The following XKR6 variants were observed in gnomAD, a reference collection of about 807,000 sequenced individuals.
The protein encoded by XKR6 is XK-related protein 6.
Under a neutral mutation model 56.7 loss-of-function variants are expected in XKR6, and 22 were observed. The observed-to-expected ratio is 0.39, with a 90% CI of 0.28 to 0.55. XKR6 has a LOEUF of 0.55. Among genes scored for constraint, XKR6 ranks in the 20% least tolerant of loss-of-function variants. XKR6 has a pLI of 0.66. For synonymous variants in XKR6, 524 were observed against 387.8 expected, an observed-to-expected ratio of 1.35 and a Z score of -4.13; for missense variants, 852 against 889.0, an observed-to-expected ratio of 0.96 and a Z score of 0.53.
intron 1 of XKR6, among the ~76,000 whole-genome samples, chr8:11,053,363 C>A (rs528796331): frequency 3.9e-5 from 6 of 152,352 alleles, no homozygotes; most frequent in African/African-American, 1.2e-4. Context: ...CGGCCTGACT[C>A]CCCTGCCACA....
Position 10,898,302 on chromosome 8 carries a change from C to A in XKR6, c.1576G>T (p.Val526Phe). The A allele has an allele frequency of 1.2e-6, 2 of 1,614,076 alleles. No homozygotes were observed. The highest frequency in any genetic ancestry group is 1.7e-6 in the Non-Finnish European group (2 of 1,179,968). The change falls in exon 3 of 3, where the codon GTT becomes TTT. Residue 526 changes from valine (V) to phenylalanine (F), a missense_variant. This residue lies in a region of XKR6 where 197 missense variants were observed against 190.9 expected (regional missense o/e 1.03). Transcript: ENST00000416569. The surrounding 1 kb of genome is among the most constrained non-coding windows in gnomAD (Gnocchi z 6.6). ...GGGATCTCAGGCGCCATGGGCTCAA[C>A]ATCGGGGGGCAAAGGGATGCCCCAG... ...LLWGIPLPPD[V>F]EPMAPEIPGY...
intron 1 of XKR6, among the ~76,000 whole-genome samples, chr8:11,060,363 C>T (rs1324929208): frequency 6.6e-6 from 1 of 152,192 alleles, no homozygotes; most frequent in South Asian, 2.1e-4. Flanking sequence ...CCGCATCCAG[C>T]CTGCACTGCA....
At chr8:11,169,889 G>C (rs767993337) in intron 1 of XKR6, among the ~76,000 whole-genome samples, 7 of 152,100 alleles carry the variant, frequency 4.6e-5, no homozygotes, top group Non-Finnish European at 1.0e-4. Flanking sequence ...GGTATATTTT[G>C]TGTTCGTATA....
intron 1 of XKR6, among the ~76,000 whole-genome samples, chr8:11,127,635 C>G (rs1799877330): frequency 6.6e-6 from 1 of 152,122 alleles, no homozygotes; most frequent in African/African-American, 2.4e-5. Flanking sequence ...TTCTGACCAC[C>G]CTACCTCTCT....
intron 1 of XKR6, among the ~76,000 whole-genome samples, chr8:11,160,691 C>T (rs1035383107): frequency 6.6e-6 from 1 of 151,948 alleles, no homozygotes; most frequent in Non-Finnish European, 1.5e-5. Context: ...GGGTGGATCC[C>T]GAGGTCAAGA....
chr8:10,933,470 C>T, intron 1 of XKR6, among the ~76,000 whole-genome samples: 1 of 128,240 alleles, frequency 7.8e-6, no homozygotes, highest in South Asian at 2.4e-4. Context: ...GAAGTCCTTG[C>T]CCACGCCTAT....
At chr8:11,126,257 C>T (rs536560685) in intron 1 of XKR6, among the ~76,000 whole-genome samples, 147 of 151,898 alleles carry the variant, frequency 9.7e-4, no homozygotes, top group Non-Finnish European at 1.8e-3. Context: ...TTAGTAAAGA[C>T]GGGGTTCACT....
chr8:11,027,684 C>T (rs61163569), intron 1 of XKR6, among the ~76,000 whole-genome samples: 21 of 152,304 alleles, frequency 1.4e-4, no homozygotes, highest in East Asian at 1.4e-3. Flanking sequence ...AAGACAACCA[C>T]GTCTACTGGC....
intron 1 of XKR6, among the ~76,000 whole-genome samples, chr8:11,125,038 G>A (rs1333827250): frequency 3.4e-5 from 5 of 146,970 alleles, no homozygotes; most frequent in East Asian, 2.0e-4. Context: ...GCAGTGAGCC[G>A]AGATCACGCC....
chr8:10,926,605 G>C (rs930517577), intron 1 of XKR6, among the ~76,000 whole-genome samples: 1 of 152,264 alleles, frequency 6.6e-6, no homozygotes, highest in African/African-American at 2.4e-5. Flanking sequence ...TGGGGCACCA[G>C]GCCCCCCAGG....
rs761542013 is a variant in XKR6, at chr8:11,100,849, G to A, written c.764+99727C>T. 5.3e-5 allele frequency among the ~76,000 whole-genome samples: 8 copies of A among 152,192 alleles called. No homozygotes were observed. In the South Asian group the frequency reaches 1.5e-3, roughly 28 times the overall value. On this transcript the variant is annotated intron_variant, in intron 1 of 2. Coordinates refer to ENST00000416569, the MANE Select transcript of XKR6 (RefSeq NM_173683.4). ...GCTACAAAAGCTTTTGTTGGCGTTG[G>A]CCTCCGAGTCAGTGCTTTGAAAGGT...
chr8:10,955,938 G>A (rs983075353), intron 1 of XKR6, among the ~76,000 whole-genome samples: 2 of 152,206 alleles, frequency 1.3e-5, no homozygotes, highest in African/African-American at 4.8e-5. Context: ...TTGTTGCCCT[G>A]GGCTTCAGGG....
intron 1 of XKR6, chr8:11,108,435 A>G (rs768631956): frequency 4.6e-6 from 2 of 431,148 alleles, no homozygotes; most frequent in Non-Finnish European, 9.2e-6. Flanking sequence ...AATCTTCATA[A>G]TTGTTAGAAA....
At chr8:11,020,611 C>G (rs1005445236) in intron 1 of XKR6, among the ~76,000 whole-genome samples, 1 of 152,138 alleles carries the variant, frequency 6.6e-6, no homozygotes, top group Non-Finnish European at 1.5e-5. Flanking sequence ...AAGGGAACAC[C>G]CCAGCCCCTA....
intron 1 of XKR6, among the ~76,000 whole-genome samples, chr8:11,035,768 G>A (rs1799124995): frequency 6.6e-6 from 1 of 152,106 alleles, no homozygotes; most frequent in African/African-American, 2.4e-5. Flanking sequence ...GTGAGTTGAT[G>A]TGATAGATGG....
At position 11,086,148 on chromosome 8, in the gene XKR6, A is replaced by ATTTT. The variant is rs372566415; in HGVS notation, c.764+114424_764+114427dup. Among the ~76,000 whole-genome samples the ATTTT allele has an allele frequency of 2.3e-3, 281 of 120,738 alleles. 1 individual carries two copies. Among genetic ancestry groups the ATTTT allele is most frequent in the African/African-American group, 9.4e-3 (242 of 25,710 alleles). The allele number at this position is 120,738 out of a possible 152,430, so 79.2% of individuals were successfully genotyped here. ...TTAAAAAGAAAATATATATATATAT[A>ATTTT]TTTTTTTTTAAAAAAAACAAGCATA... On this transcript the variant is annotated intron_variant, in intron 1 of 2. Coordinates refer to ENST00000416569, the MANE Select transcript of XKR6 (RefSeq NM_173683.4).
At chr8:11,042,072 C>A (rs964503018) in intron 1 of XKR6, among the ~76,000 whole-genome samples, 1 of 152,158 alleles carries the variant, frequency 6.6e-6, no homozygotes, top group African/African-American at 2.4e-5. Flanking sequence ...TAAGCAAGTA[C>A]ACATGCACCT....
At chr8:11,072,464 C>T (rs902967875) in intron 1 of XKR6, among the ~76,000 whole-genome samples, 5 of 152,256 alleles carry the variant, frequency 3.3e-5, no homozygotes, top group Non-Finnish European at 7.3e-5. Flanking sequence ...GGCAGCAGAG[C>T]TCCTCTCAAC....
At chr8:11,150,715 T>G (rs143385003) in intron 1 of XKR6, among the ~76,000 whole-genome samples, 7,192 of 151,998 alleles carry the variant, frequency 0.047, 210 homozygotes, top group African/African-American at 0.075. Context: ...TAGCTGGGTG[T>G]GGTGGCGGGC....
Sources: allele counts gnomAD v4.1 joint callset (sites outside exome capture counted in the v4.1 genomes callset), GRCh38; gene constraint gnomAD v4.1.1; regional missense constraint gnomAD v4.1.1; non-coding constraint Gnocchi (gnomAD v3.1); transcripts MANE v1.5; gene names NCBI Gene and HGNC (gene_info 2026-07-23, HGNC 2026-07-21).